Variants in PPP1R9A observed in about 807,000 individuals in gnomAD.
PPP1R9A encodes neurabin-1.
Under a neutral mutation model 141.9 loss-of-function variants are expected in PPP1R9A, and 59 were observed. That is an observed-to-expected ratio of 0.42 (90% confidence interval 0.34 to 0.52). The LOEUF (loss-of-function observed/expected upper bound fraction) is 0.52, where lower values mean the gene tolerates loss of function less well. Among genes scored for constraint, PPP1R9A ranks in the 20% least tolerant of loss-of-function variants. PPP1R9A has a pLI of 0.10. For missense variants in PPP1R9A, 1,444 were observed against 1,611.9 expected, an observed-to-expected ratio of 0.90 and a Z score of 1.78; for synonymous variants, 500 against 569.7, an observed-to-expected ratio of 0.88 and a Z score of 1.74.
intron 2 of PPP1R9A, among the ~76,000 whole-genome samples, chr7:95,040,827 C>G (rs1809130012): frequency 1.3e-5 from 2 of 152,080 alleles, no homozygotes; most frequent in Non-Finnish European, 2.9e-5. Flanking sequence ...TTCCCCAATA[C>G]TGCCCTCCCA....
chr7:95,023,422 G>T (rs1806297970), intron 2 of PPP1R9A, among the ~76,000 whole-genome samples: 1 of 151,962 alleles, frequency 6.6e-6, no homozygotes, highest in Non-Finnish European at 1.5e-5. Flanking sequence ...TTTCAAAAAT[G>T]CAGCTCCTGG....
At chr7:95,235,002 T>A (rs538991865) in intron 8 of PPP1R9A, among the ~76,000 whole-genome samples, 1 of 152,096 alleles carries the variant, frequency 6.6e-6, no homozygotes, top group African/African-American at 2.4e-5. Flanking sequence ...TCTCAACTTA[T>A]ACAAAAATCA....
rs570242438 is a variant in PPP1R9A, at chr7:95,021,428, T to A, written c.1396-89831T>A. On this transcript the variant is annotated intron_variant, in intron 2 of 19. Coordinates refer to ENST00000433360, the MANE Select transcript of PPP1R9A (RefSeq NM_001166160.2). The stretch of plus-strand genomic sequence containing the variant: ...TTCTCCCATTCTGTAGGTTGCCTGT[T>A]CACTCTGATGATAGTTTCTTTTGCT... Among the ~76,000 whole-genome samples, 62 of 152,294 alleles carry A rather than the reference T, an allele frequency of 4.1e-4. No individual in the cohort carries two copies. The East Asian group carries it at 0.012, about 28-fold the overall frequency.
At position 95,252,087 on chromosome 7, in the gene PPP1R9A, C is replaced by T. The variant is rs914450298; in HGVS notation, c.2622C>T (p.Asn874=). 2.5e-6 allele frequency: 4 copies of T among 1,606,348 alleles called. No individual in the cohort carries two copies. In the Admixed American group the frequency reaches 5.2e-5, roughly 21 times the overall value. The change falls in exon 12 of 20, where the codon AAC becomes AAT. Residue 874 remains asparagine, a synonymous_variant. Transcript: ENST00000433360. ...TCTCTAAAGGGGATACCATGGAGAA[C>T]TTGGATGGCAAGCAGACATCTTGCC... ...GEVSKGDTME[N]LDGKQTSCQD...
At chr7:94,941,895 A>G (rs957345590) in intron 2 of PPP1R9A, among the ~76,000 whole-genome samples, 2 of 152,076 alleles carry the variant, frequency 1.3e-5, no homozygotes, top group Admixed American at 1.3e-4. Context: ...GCAATTGGCT[A>G]TGTTTTTGCA....
At chr7:94,971,057 C>CT in intron 2 of PPP1R9A, among the ~76,000 whole-genome samples, 1 of 152,098 alleles carries the variant, frequency 6.6e-6, no homozygotes, top group Middle Eastern at 3.4e-3. Context: ...TGGGGATAGT[C>CT]TGTCTTCAGA....
chr7:95,189,823 C>T (rs1284116632), intron 5 of PPP1R9A, among the ~76,000 whole-genome samples: 2 of 152,166 alleles, frequency 1.3e-5, no homozygotes, highest in African/African-American at 2.4e-5. Context: ...TTCTTCTACT[C>T]ATTCAATTTT....
At chr7:95,268,747 G>C (rs1199121148) in intron 13 of PPP1R9A, 40 bp downstream of exon 13, 16 of 1,595,216 alleles carry the variant, frequency 1.0e-5, no homozygotes, top group Non-Finnish European at 1.3e-5. Flanking sequence ...TACTGTTGGA[G>C]TATATCATTG....
chr7:95,075,847 G>C (rs2152233410), intron 2 of PPP1R9A, among the ~76,000 whole-genome samples: 1 of 152,046 alleles, frequency 6.6e-6, no homozygotes, highest in Non-Finnish European at 1.5e-5. Context: ...AAAAAAAAAT[G>C]TATGGAGAGG....
Position 95,286,205 on chromosome 7 carries a change from G to C in PPP1R9A, c.3610-1G>C. ...ACACTGAGCTTCATTTATTTTTACAGAATTTTACCTTCAATGATGACTTCA... is the reference window on the plus strand; with the variant it reads ...ACACTGAGCTTCATTTATTTTTACACAATTTTACCTTCAATGATGACTTCA... On this transcript the variant is annotated splice_acceptor_variant, in intron 17 of 19. Coordinates refer to ENST00000433360, the MANE Select transcript of PPP1R9A (RefSeq NM_001166160.2). LOFTEE classifies it high-confidence loss of function. 6.2e-7 allele frequency: 1 copy of C among 1,612,632 alleles called. No homozygotes were observed. The highest frequency in any genetic ancestry group is 8.5e-7 in the Non-Finnish European group (1 of 1,179,040).
At chr7:95,092,185 C>A (rs1040049637) in intron 2 of PPP1R9A, among the ~76,000 whole-genome samples, 3 of 152,096 alleles carry the variant, frequency 2.0e-5, no homozygotes, top group Non-Finnish European at 2.9e-5. Context: ...CACTGACCAC[C>A]CAATAGTCAC....
At chr7:95,082,040 G>C (rs996156794) in intron 2 of PPP1R9A, among the ~76,000 whole-genome samples, 1 of 152,144 alleles carries the variant, frequency 6.6e-6, no homozygotes, top group Admixed American at 6.5e-5. Context: ...TGTTTGACCT[G>C]TGTGGTGATT....
At chr7:95,237,179 ATT>A (rs1309474881) in intron 8 of PPP1R9A, among the ~76,000 whole-genome samples, 144 of 125,530 alleles carry the variant, frequency 1.1e-3, no homozygotes, top group African/African-American at 3.3e-3. Flanking sequence ...ATATATATAT[ATT>A]TTTTTTTTTT....
In PPP1R9A at chr7:95,293,067, G is replaced by A. The variant is rs1806584456; in HGVS notation, c.*2764G>A. ...TGCTATGAACTGATTCCCTAAAGGA[G>A]AGCTCAGTATGATTCTAACAATAGC... On this transcript the variant is annotated 3_prime_UTR_variant, in exon 20 of 20. Coordinates refer to ENST00000433360, the MANE Select transcript of PPP1R9A (RefSeq NM_001166160.2). 6.6e-6 allele frequency: 1 copy of A among 152,152 alleles called. No homozygotes were observed. The highest frequency in any genetic ancestry group is 2.1e-4 in the South Asian group (1 of 4,826). 9.4% of individuals were successfully genotyped at this position (152,152 alleles called of 1,614,324 possible). A position where few individuals can be genotyped will look rare whatever the true frequency, so the allele number is the denominator to read the frequency against.
At chr7:94,997,838 G>A (rs772617981) in intron 2 of PPP1R9A, among the ~76,000 whole-genome samples, 7 of 152,100 alleles carry the variant, frequency 4.6e-5, no homozygotes, top group Non-Finnish European at 8.8e-5. Flanking sequence ...CTCCTCAACC[G>A]AGTGAGACTG....
At chr7:94,977,116 T>G (rs1186828979) in intron 2 of PPP1R9A, among the ~76,000 whole-genome samples, 1 of 151,486 alleles carries the variant, frequency 6.6e-6, no homozygotes, top group Admixed American at 6.6e-5. Context: ...CTTGTGGGAG[T>G]AAGAGGGGAT....
chr7:95,207,563 T>C (rs1301087513), intron 7 of PPP1R9A, among the ~76,000 whole-genome samples: 1 of 152,232 alleles, frequency 6.6e-6, no homozygotes, highest in Non-Finnish European at 1.5e-5. Flanking sequence ...CATAGCTAGG[T>C]TGGGTTTAGC....
intron 2 of PPP1R9A, among the ~76,000 whole-genome samples, chr7:95,034,461 C>T (rs1048942341): frequency 6.6e-6 from 1 of 152,084 alleles, no homozygotes; most frequent in African/African-American, 2.4e-5. Context: ...CTCTGCCTCC[C>T]AGGTTCAGGT....
chr7:95,011,729 G>T (rs1221788332), intron 2 of PPP1R9A, among the ~76,000 whole-genome samples: 1 of 152,088 alleles, frequency 6.6e-6, no homozygotes, highest in Non-Finnish European at 1.5e-5. Flanking sequence ...GCTTGGAAAG[G>T]GAGCTCTTGA....
Sources: allele counts gnomAD v4.1 joint callset (sites outside exome capture counted in the v4.1 genomes callset), GRCh38; gene constraint gnomAD v4.1.1; transcripts MANE v1.5; gene names NCBI Gene and HGNC (gene_info 2026-07-23, HGNC 2026-07-21).